The following BBOX1 variants were observed in gnomAD, a reference collection of about 807,000 sequenced individuals.
The protein encoded by BBOX1 is gamma-butyrobetaine hydroxylase 1.
Under a neutral mutation model 41.6 loss-of-function variants are expected in BBOX1, and 35 were observed. The ratio of observed to expected loss-of-function variants is 0.84; its 90% CI spans 0.64 to 1.11. BBOX1 has a LOEUF of 1.11. Ranked by LOEUF, BBOX1 falls within the 50% of genes most tolerant of loss-of-function variation. BBOX1 has a pLI of 0.00. For missense variants in BBOX1, 458 were observed against 460.6 expected (o/e 0.99, Z 0.05); for synonymous variants, 163 against 154.7 (o/e 1.05, Z -0.40).
intron 2 of BBOX1, among the ~76,000 whole-genome samples, chr11:27,042,456 G>A (rs1046774473): frequency 2.0e-5 from 3 of 152,140 alleles, no homozygotes; most frequent in African/African-American, 4.8e-5. Context: ...GGGTTCAAGC[G>A]ATTCTCCTGT....
chr11:27,060,127 G>C (rs757989516), intron 4 of BBOX1, among the ~76,000 whole-genome samples: 3 of 152,112 alleles, frequency 2.0e-5, no homozygotes, highest in Non-Finnish European at 4.4e-5. Flanking sequence ...CTCCAATGTT[G>C]GAGGTGGGGC....
chr11:27,096,088 C>T (rs1858428803), intron 5 of BBOX1, among the ~76,000 whole-genome samples: 1 of 151,888 alleles, frequency 6.6e-6, no homozygotes, highest in African/African-American at 2.4e-5. Context: ...AGGTTGAGAA[C>T]CTCTGGCTGA....
intron 3 of BBOX1, among the ~76,000 whole-genome samples, chr11:27,056,611 A>G (rs925485263): frequency 6.6e-6 from 1 of 152,158 alleles, no homozygotes; most frequent in Admixed American, 6.6e-5. Flanking sequence ...AACTAGCTTC[A>G]GTTATCACAG....
chr11:27,047,379 A>C (rs1222841832), intron 2 of BBOX1: 1 of 152,202 alleles, frequency 6.6e-6, no homozygotes, highest in African/African-American at 2.4e-5. Flanking sequence ...AATGTAATTA[A>C]TGTTTCTTGG....
intron 5 of BBOX1, among the ~76,000 whole-genome samples, chr11:27,101,300 T>G (rs1336054399): frequency 6.6e-6 from 1 of 152,136 alleles, no homozygotes; most frequent in Non-Finnish European, 1.5e-5. Context: ...AAGTTAAAAT[T>G]ATCACCAACC....
At chr11:27,120,974 A>T (rs1200106875) in intron 7 of BBOX1, among the ~76,000 whole-genome samples, 1 of 152,184 alleles carries the variant, frequency 6.6e-6, no homozygotes, top group East Asian at 1.9e-4. Context: ...TTTTAAACAG[A>T]TGAGTAAATT....
At chr11:27,102,091 G>A (rs116151621) in intron 5 of BBOX1, among the ~76,000 whole-genome samples, 1,571 of 152,088 alleles carry the variant, frequency 0.01, 30 homozygotes, top group African/African-American at 0.036. Flanking sequence ...ACATAAGCTT[G>A]GTGCTGAGCA....
intron 5 of BBOX1, among the ~76,000 whole-genome samples, chr11:27,097,217 T>TC (rs1003424391): frequency 1.3e-4 from 19 of 151,726 alleles, no homozygotes; most frequent in African/African-American, 4.6e-4. Context: ...ATGTCCTTTC[T>TC]CCCCCACCAA....
intron 4 of BBOX1, among the ~76,000 whole-genome samples, chr11:27,074,607 T>C (rs1857574876): frequency 6.6e-6 from 1 of 152,078 alleles, no homozygotes; most frequent in Non-Finnish European, 1.5e-5. Context: ...AACTTTGAAA[T>C]TGAGAAAGAT....
chr11:27,087,901 T>C (rs1032586650), intron 4 of BBOX1, among the ~76,000 whole-genome samples: 2 of 152,074 alleles, frequency 1.3e-5, no homozygotes, highest in South Asian at 2.1e-4. Flanking sequence ...ACTGTGATGG[T>C]AAAGTCCTGT....
intron 4 of BBOX1, among the ~76,000 whole-genome samples, chr11:27,068,752 G>A (rs1402911783): frequency 6.6e-6 from 1 of 151,810 alleles, no homozygotes; most frequent in African/African-American, 2.4e-5. Context: ...TTTTTTATAA[G>A]GTATGAGATA....
intron 7 of BBOX1, 64 bp downstream of exon 7, chr11:27,119,909 T>C (rs1033157841): frequency 1.9e-6 from 2 of 1,062,896 alleles, no homozygotes; most frequent in Non-Finnish European, 2.5e-6. Context: ...TCCACTAATC[T>C]AAAGTTTAAA....
intron 5 of BBOX1, among the ~76,000 whole-genome samples, chr11:27,093,813 C>T (rs1858334823): frequency 1.3e-5 from 2 of 151,966 alleles, no homozygotes; most frequent in African/African-American, 4.8e-5. Context: ...GTGCATAGCA[C>T]ACTCCTGCTG....
At chr11:27,118,580 T>C (rs904533851) in intron 6 of BBOX1, among the ~76,000 whole-genome samples, 2 of 151,972 alleles carry the variant, frequency 1.3e-5, no homozygotes, top group African/African-American at 4.8e-5. Flanking sequence ...TAAAGTAACA[T>C]TCAGAAGGAA....
chr11:27,113,139 A>G (rs1333516916), intron 5 of BBOX1, among the ~76,000 whole-genome samples: 1 of 152,014 alleles, frequency 6.6e-6, no homozygotes, highest in African/African-American at 2.4e-5. Flanking sequence ...CTATTATAAA[A>G]AGTTAAAAAA....
At chr11:27,077,490 C>A (rs180849650) in intron 4 of BBOX1, among the ~76,000 whole-genome samples, 41 of 152,040 alleles carry the variant, frequency 2.7e-4, no homozygotes, top group African/African-American at 8.9e-4. Flanking sequence ...CCTGTGGTTT[C>A]TTTCAGTTTT....
chr11:27,121,093 C>T (rs1392936780), intron 7 of BBOX1, among the ~76,000 whole-genome samples: 1 of 152,146 alleles, frequency 6.6e-6, no homozygotes, highest in Admixed American at 6.5e-5. Flanking sequence ...TATTAAAGAG[C>T]GTGGTGAGGG....
chr11:27,113,351 C>T (rs557456427), intron 5 of BBOX1, among the ~76,000 whole-genome samples: 64 of 151,948 alleles, frequency 4.2e-4, no homozygotes, highest in South Asian at 3.5e-3. Context: ...CATGTATGCA[C>T]GCATATGTTC....
At chr11:27,048,093 A>G (rs1851544628) in intron 2 of BBOX1, among the ~76,000 whole-genome samples, 1 of 152,174 alleles carries the variant, frequency 6.6e-6, no homozygotes, top group Admixed American at 6.5e-5. Flanking sequence ...AACTTTACAT[A>G]GTTATCATTG....
Sources: allele counts gnomAD v4.1 joint callset (sites outside exome capture counted in the v4.1 genomes callset), GRCh38; gene constraint gnomAD v4.1.1; transcripts MANE v1.5; gene names NCBI Gene and HGNC (gene_info 2026-07-23, HGNC 2026-07-21).